CABP5: variants seen among roughly 807,000 people sequenced by gnomAD.
CABP5 encodes calcium-binding protein 5.
Under a neutral mutation model 21.9 loss-of-function variants are expected in CABP5, and 17 were observed. That is an observed-to-expected ratio of 0.78 (90% CI 0.53 to 1.17). The LOEUF is 1.17. Among genes scored for constraint, CABP5 ranks in the 50% most tolerant of loss-of-function variants. CABP5 has a pLI of 0.00. For missense variants in CABP5, 229 were observed against 228.9 expected (o/e 1.00, Z 0.00); for synonymous variants, 85 against 79.4 (o/e 1.07, Z -0.37).
At chr19:48,041,465 T>C (rs1161118981) in intron 2 of CABP5, 108 bp downstream of exon 2, 16 of 1,039,058 alleles carry the variant, frequency 1.5e-5, no homozygotes, top group Non-Finnish European at 2.1e-5. Flanking sequence ...GAGAGAGGGA[T>C]TGTAAAAATT....
chr19:48,038,109 GTT>G (rs1364480810), intron 4 of CABP5, among the ~76,000 whole-genome samples: 1 of 152,116 alleles, frequency 6.6e-6, no homozygotes, highest in Admixed American at 6.6e-5. Flanking sequence ...TAGAGACGGG[GTT>G]TCAGCATCTT....
chr19:48,032,956 C>A (rs1173117664), intron 5 of CABP5, among the ~76,000 whole-genome samples: 1 of 151,086 alleles, frequency 6.6e-6, no homozygotes, highest in Admixed American at 6.6e-5. Flanking sequence ...TGTCCATAAG[C>A]AGCAGATAGG....
At chr19:48,038,552 C>T (rs1967439728) in intron 4 of CABP5, among the ~76,000 whole-genome samples, 1 of 152,148 alleles carries the variant, frequency 6.6e-6, no homozygotes, top group Non-Finnish European at 1.5e-5. Flanking sequence ...CCTGGCCAGG[C>T]ACGGTGGCTC....
In CABP5 at chr19:48,043,855, C is replaced by T; in HGVS notation, c.63+5G>A. 1 of 1,501,048 alleles carries T rather than the reference C, an allele frequency of 6.7e-7. No individual in the cohort carries two copies. The highest frequency in any genetic ancestry group is 1.9e-4 in the Middle Eastern group (1 of 5,322). The allele number at this position is 1,501,048 out of a possible 1,614,324, so 93.0% of individuals were successfully genotyped here. Reference sequence around the variant, plus strand: ...ACCGCCCTTCCCCCTCACTCCCCACCTCACCCGCTGTTTCTCAGCAATGCC... The same window carrying T: ...ACCGCCCTTCCCCCTCACTCCCCACTTCACCCGCTGTTTCTCAGCAATGCC... On this transcript the variant is annotated splice_donor_5th_base_variant and intron_variant, in intron 1 of 5. Coordinates refer to ENST00000293255, the MANE Select transcript of CABP5 (RefSeq NM_019855.5).
At chr19:48,043,769 GT>G in intron 1 of CABP5, 90 bp downstream of exon 1, 10 of 1,109,940 alleles carry the variant, frequency 9.0e-6, no homozygotes, top group Non-Finnish European at 1.2e-5. Context: ...TGTTCCCCTG[GT>G]TCTGTGGCAC....
At chr19:48,037,134 T>C (rs1967418353) in intron 4 of CABP5, among the ~76,000 whole-genome samples, 1 of 151,980 alleles carries the variant, frequency 6.6e-6, no homozygotes, top group South Asian at 2.1e-4. Flanking sequence ...AAAGGGATGT[T>C]TGCACTCCCC....
At chr19:48,035,019 C>T (rs11670493) in intron 4 of CABP5, among the ~76,000 whole-genome samples, 45,943 of 152,018 alleles carry the variant, frequency 0.3, 7,853 homozygotes, top group Non-Finnish European at 0.39. Context: ...TTGAAACATA[C>T]ATTATTATTT....
At chr19:48,033,032 T>G (rs201791330) in intron 5 of CABP5, among the ~76,000 whole-genome samples, 1 of 114,294 alleles carries the variant, frequency 8.7e-6, no homozygotes, top group African/African-American at 3.2e-5. Flanking sequence ...TTTTTTTTTT[T>G]GGACGGAGTG....
intron 3 of CABP5, among the ~76,000 whole-genome samples, chr19:48,040,290 T>A (rs535856000): frequency 6.6e-6 from 1 of 152,302 alleles, no homozygotes; most frequent in East Asian, 1.9e-4. Context: ...CACAGTCCCA[T>A]GAGGTAAGGA....
At chr19:48,041,430 C>G in intron 2 of CABP5, 143 bp downstream of exon 2, 1 of 826,456 alleles carries the variant, frequency 1.2e-6, no homozygotes, top group East Asian at 2.7e-5. Flanking sequence ...AGAAAGAGTT[C>G]TACAAAATTA....
intron 2 of CABP5, among the ~76,000 whole-genome samples, chr19:48,040,957 A>G (rs1007362190): frequency 1.3e-5 from 2 of 152,114 alleles, no homozygotes; most frequent in African/African-American, 4.8e-5. Context: ...TGGGTGGATC[A>G]CCTGAGGTGA....
intron 2 of CABP5, 94 bp downstream of exon 2, chr19:48,041,479 T>C (rs941021300): frequency 1.0e-5 from 12 of 1,202,954 alleles, no homozygotes; most frequent in South Asian, 9.2e-5. Context: ...AAAAATTCCA[T>C]GTAATGGAAT....
At chr19:48,037,855 G>A (rs1967430809) in intron 4 of CABP5, among the ~76,000 whole-genome samples, 1 of 152,074 alleles carries the variant, frequency 6.6e-6, no homozygotes, top group South Asian at 2.1e-4. Flanking sequence ...AATTATATTA[G>A]CATACTAAGT....
intron 4 of CABP5, 93 bp downstream of exon 4, chr19:48,039,115 T>A: frequency 1.1e-6 from 1 of 939,522 alleles, no homozygotes; most frequent in Non-Finnish European, 1.7e-6. Context: ...GGGGGCCTGG[T>A]TGGTGGGTGC....
chr19:48,033,566 T>G (rs1350716869), intron 5 of CABP5, among the ~76,000 whole-genome samples: 2 of 151,804 alleles, frequency 1.3e-5, no homozygotes, highest in Non-Finnish European at 2.9e-5. Context: ...CGGAGCCCAG[T>G]AAGAGAGGTG....
chr19:48,039,458 A>G, intron 3 of CABP5, 141 bp from the exon 4 acceptor site: 1 of 659,674 alleles, frequency 1.5e-6, no homozygotes, highest in South Asian at 1.8e-5. Flanking sequence ...TCCAGCAGCT[A>G]ACTCCAAGCT....
intron 4 of CABP5, among the ~76,000 whole-genome samples, chr19:48,038,211 G>A (rs932890132): frequency 1.3e-5 from 2 of 152,182 alleles, no homozygotes; most frequent in East Asian, 1.9e-4. Flanking sequence ...CACTGAGCCC[G>A]GCCAGCTGTA....
At position 48,030,535 on chromosome 19, in the gene CABP5, G is replaced by T; in HGVS notation, c.*22C>A. On this transcript the variant is annotated 3_prime_UTR_variant, in exon 6 of 6. Coordinates refer to ENST00000293255, the MANE Select transcript of CABP5 (RefSeq NM_019855.5). ...GCTCCATGTTGACCAGGTGGAGAGG[G>T]TCTGGAGCTTCCAGGACCTCCTCAG... is the stretch of plus-strand genomic sequence containing the variant. The T allele has an allele frequency of 3.1e-6, 5 of 1,611,078 alleles. No homozygotes were observed. Among genetic ancestry groups the T allele is most frequent in the African/African-American group, 1.3e-5 (1 of 74,666 alleles).
At chr19:48,035,016 A>G (rs562822343) in intron 4 of CABP5, among the ~76,000 whole-genome samples, 5 of 152,252 alleles carry the variant, frequency 3.3e-5, no homozygotes, top group African/African-American at 1.2e-4. Context: ...TTTTTGAAAC[A>G]TACATTATTA....
Sources: allele counts gnomAD v4.1 joint callset (sites outside exome capture counted in the v4.1 genomes callset), GRCh38; gene constraint gnomAD v4.1.1; transcripts MANE v1.5; gene names NCBI Gene and HGNC (gene_info 2026-07-23, HGNC 2026-07-21).